Variants in PPP2R1A observed in about 807,000 individuals in gnomAD.
The protein encoded by PPP2R1A is serine/threonine-protein phosphatase 2A 65 kDa regulatory subunit A alpha isoform.
PPP2R1A carries 15 observed loss-of-function variants against 67.1 expected under a neutral mutation model. The ratio of observed to expected loss-of-function variants is 0.22; its 90% CI spans 0.15 to 0.34. The LOEUF (loss-of-function observed/expected upper bound fraction) is 0.34, where lower values mean the gene tolerates loss of function less well. Ranked by LOEUF, PPP2R1A falls within the 10% of genes least tolerant of loss-of-function variation. The pLI is 1.00. For synonymous variants in PPP2R1A, 337 were observed against 325.0 expected (o/e 1.04, Z -0.40); for missense variants, 369 against 775.0 (o/e 0.48, Z 6.22).
At position 52,227,022 on chromosome 19, in the gene PPP2R1A, G is replaced by A. The variant is rs1369117656; in HGVS notation, c.*1041G>A. ...TCAGGACGGTACTAGGGAGAGAACTGTGGCAAGATAGATCAGTTATCTCGG... is the reference window on the plus strand; with the variant it reads ...TCAGGACGGTACTAGGGAGAGAACTATGGCAAGATAGATCAGTTATCTCGG... On this transcript the variant is annotated 3_prime_UTR_variant, in exon 15 of 15. Coordinates refer to ENST00000322088, the MANE Select transcript of PPP2R1A (RefSeq NM_014225.6). 6.6e-6 allele frequency: 1 copy of A among 152,140 alleles called. No homozygotes were observed. Among genetic ancestry groups the A allele is most frequent in the Non-Finnish European group, 1.5e-5 (1 of 68,040 alleles). The allele number at this position is 152,140 out of a possible 1,614,324, so 9.4% of individuals were successfully genotyped here.
intron 3 of PPP2R1A, among the ~76,000 whole-genome samples, chr19:52,206,839 G>A (rs1456883647): frequency 6.6e-6 from 1 of 152,156 alleles, no homozygotes; most frequent in Non-Finnish European, 1.5e-5. Flanking sequence ...TCAGAGTGCT[G>A]GGCCACTGCT....
chr19:52,220,017 T>C (rs1007221596), intron 10 of PPP2R1A, among the ~76,000 whole-genome samples, 153 bp downstream of exon 10: 1 of 152,100 alleles, frequency 6.6e-6, no homozygotes, highest in Non-Finnish European at 1.5e-5. Context: ...AATAGGGCCT[T>C]AAAAGATGCA....
At chr19:52,208,744 C>T (rs8101929) in intron 3 of PPP2R1A, among the ~76,000 whole-genome samples, 12,182 of 152,276 alleles carry the variant, frequency 0.08, 528 homozygotes, top group Middle Eastern at 0.12. Context: ...AAATGATCAC[C>T]TGCCTTGGCC....
intron 13 of PPP2R1A, among the ~76,000 whole-genome samples, chr19:52,222,864 G>A (rs1434452901): frequency 6.6e-6 from 1 of 152,168 alleles, no homozygotes; most frequent in Admixed American, 6.6e-5. Flanking sequence ...GCGATAGAGC[G>A]AGACTGTCTC....
intron 2 of PPP2R1A, among the ~76,000 whole-genome samples, chr19:52,204,749 C>T (rs10414703): frequency 0.014 from 2,134 of 152,272 alleles, 50 homozygotes; most frequent in African/African-American, 0.049. Flanking sequence ...GCTGGAGTCA[C>T]ATTGGCGAGA....
Position 52,227,932 on chromosome 19 carries a change from C to G in PPP2R1A, c.*1951C>G, listed in dbSNP as rs2122389249. On this transcript the variant is annotated 3_prime_UTR_variant, in exon 15 of 15. Coordinates refer to ENST00000322088, the MANE Select transcript of PPP2R1A (RefSeq NM_014225.6). ...CATTCTCAGGAGCTTGTTAGAAATG[C>G]AGAGCCTCTCGTCCCTGCCCCGACC... The G allele has an allele frequency of 6.6e-6, 1 of 152,304 alleles. No homozygotes were observed. The highest frequency in any genetic ancestry group is 2.1e-4 in the South Asian group (1 of 4,830). The allele number at this position is 152,304 out of a possible 1,614,324, so 9.4% of individuals were successfully genotyped here. A position where few individuals can be genotyped will look rare whatever the true frequency, so the allele number is the denominator to read the frequency against.
chr19:52,190,258 C>CGCTG, intron 1 of PPP2R1A, 84 bp downstream of exon 1: 1 of 1,457,612 alleles, frequency 6.9e-7, no homozygotes, highest in African/African-American at 1.4e-5. Context: ...ACTCAGCGTT[C>CGCTG]GCTGGGAGTG....
At chr19:52,205,510 C>T (rs768790028) in intron 2 of PPP2R1A, among the ~76,000 whole-genome samples, 8 of 152,032 alleles carry the variant, frequency 5.3e-5, no homozygotes, top group African/African-American at 1.7e-4. Context: ...CAAGAAGGGG[C>T]GGCTAAACTG....
intron 12 of PPP2R1A, 134 bp downstream of exon 12, chr19:52,221,267 A>G: frequency 7.5e-7 from 1 of 1,336,038 alleles, no homozygotes; most frequent in Non-Finnish European, 1.0e-6. Context: ...CTATCCAGAG[A>G]TGAGTCCTTG....
At chr19:52,194,370 G>A (rs2089480145) in intron 1 of PPP2R1A, among the ~76,000 whole-genome samples, 1 of 152,174 alleles carries the variant, frequency 6.6e-6, no homozygotes, top group Non-Finnish European at 1.5e-5. Flanking sequence ...GGTGGGAGGT[G>A]AGGACTAGAC....
At chr19:52,223,749 C>A (rs1305849738) in intron 13 of PPP2R1A, among the ~76,000 whole-genome samples, 1 of 152,158 alleles carries the variant, frequency 6.6e-6, no homozygotes, top group African/African-American at 2.4e-5. Context: ...GAACTCTCAT[C>A]CATTGCACGT....
chr19:52,196,396 G>GT (rs1179056683), intron 1 of PPP2R1A, among the ~76,000 whole-genome samples: 1 of 152,160 alleles, frequency 6.6e-6, no homozygotes, highest in Non-Finnish European at 1.5e-5. Flanking sequence ...CAGAAATGCG[G>GT]TTTTTTTGAC....
At chr19:52,190,343 C>T (rs2089441632) in intron 1 of PPP2R1A, 169 bp downstream of exon 1, 1 of 763,072 alleles carries the variant, frequency 1.3e-6, no homozygotes, top group African/African-American at 1.8e-5. Flanking sequence ...GACGGCGCTC[C>T]CGATTGGGTG....
At chr19:52,194,942 G>C (rs1366370954) in intron 1 of PPP2R1A, among the ~76,000 whole-genome samples, 2 of 152,122 alleles carry the variant, frequency 1.3e-5, no homozygotes, top group Non-Finnish European at 2.9e-5. Context: ...ACACTGGGCT[G>C]TTTGTTTTTT....
intron 1 of PPP2R1A, 54 bp downstream of exon 1, chr19:52,190,228 G>C: frequency 6.5e-7 from 1 of 1,529,262 alleles, no homozygotes; most frequent in Non-Finnish European, 8.8e-7. Flanking sequence ...CTGGGGGCAC[G>C]GGCGGCCCTC....
chr19:52,217,143 T>G (rs1227588028), intron 9 of PPP2R1A, among the ~76,000 whole-genome samples: 1 of 152,104 alleles, frequency 6.6e-6, no homozygotes, highest in African/African-American at 2.4e-5. Context: ...TGAGCCAAGA[T>G]TGCACCACTG....
Position 52,225,828 on chromosome 19 carries a change from G to A in PPP2R1A, c.1753+20G>A, listed in dbSNP as rs772093250. 2 of 1,612,978 alleles carry A rather than the reference G, an allele frequency of 1.2e-6. No homozygotes were observed. The highest frequency in any genetic ancestry group is 2.7e-5 in the African/African-American group (2 of 74,916). The stretch of plus-strand genomic sequence containing the variant: ...TGACTGGTAAGACCTAGAAAGCACG[G>A]AGCCCTAGCAGGAGGGTGGACTTTG... On this transcript the variant is annotated intron_variant, in intron 14 of 14. Coordinates refer to ENST00000322088, the MANE Select transcript of PPP2R1A (RefSeq NM_014225.6).
In PPP2R1A at chr19:52,201,948, G is replaced by C. The variant is rs1372727039; in HGVS notation, c.83G>C (p.Arg28Pro). The C allele has an allele frequency of 6.2e-7, 1 of 1,613,774 alleles. No homozygotes were observed. The highest frequency in any genetic ancestry group is 1.7e-5 in the Admixed American group (1 of 59,982). ...DELRNEDVQL[R>P]LNSIKKLSTI... ...CTCTTCTTGTTCTCTCATTAGCTTC[G>C]CCTCAACAGCATCAAGAAGCTGTCC... The change falls in exon 2 of 15, where the codon CGC becomes CCC. Residue 28 changes from arginine (R) to proline (P), a missense_variant. Arg to Pro is a moderately radical substitution (Grantham distance 103). Coordinates refer to ENST00000322088, the MANE Select transcript of PPP2R1A (RefSeq NM_014225.6).
chr19:52,206,829 TCAG>T (rs2089608106), intron 3 of PPP2R1A, among the ~76,000 whole-genome samples: 1 of 152,178 alleles, frequency 6.6e-6, no homozygotes, highest in African/African-American at 2.4e-5. Flanking sequence ...TTCACTGTTC[TCAG>T]AGTGCTGGGC....
Sources: allele counts gnomAD v4.1 joint callset (sites outside exome capture counted in the v4.1 genomes callset), GRCh38; gene constraint gnomAD v4.1.1; transcripts MANE v1.5; gene names NCBI Gene and HGNC (gene_info 2026-07-23, HGNC 2026-07-21).